ATXN1: variants seen among roughly 807,000 people sequenced by gnomAD.
ATXN1 encodes the protein ataxin-1.
Under a neutral mutation model 56.4 loss-of-function variants are expected in ATXN1, and 8 were observed. The ratio of observed to expected loss-of-function variants is 0.14; its 90% CI spans 0.08 to 0.26. The LOEUF (loss-of-function observed/expected upper bound fraction) is 0.26. Among genes scored for constraint, ATXN1 ranks in the 10% least tolerant of loss-of-function variants. ATXN1 has a pLI of 1.00. For missense variants in ATXN1, 987 were observed against 1,106.5 expected (o/e 0.89, Z 1.53); for synonymous variants, 514 against 494.6 (o/e 1.04, Z -0.52).
intron 7 of ATXN1, among the ~76,000 whole-genome samples, chr6:16,316,265 CT>C (rs1447893825): frequency 2.0e-5 from 3 of 152,254 alleles, no homozygotes; most frequent in Non-Finnish European, 4.4e-5. Flanking sequence ...CCCCCTCCCT[CT>C]TCCCATCCTG....
intron 3 of ATXN1, among the ~76,000 whole-genome samples, chr6:16,618,383 C>T (rs185086101): frequency 9.8e-4 from 149 of 152,274 alleles, no homozygotes; most frequent in Non-Finnish European, 1.8e-3. Context: ...ACCTATGTAA[C>T]AAACCTGCAA....
At chr6:16,487,134 C>A (rs1042716144) in intron 5 of ATXN1, among the ~76,000 whole-genome samples, 4 of 152,124 alleles carry the variant, frequency 2.6e-5, no homozygotes, top group African/African-American at 9.7e-5. Context: ...GAGAAGCACA[C>A]TTGAGGCAAA....
chr6:16,432,792 G>A (rs1467238404), intron 6 of ATXN1: 2 of 151,774 alleles, frequency 1.3e-5, no homozygotes, highest in Non-Finnish European at 2.9e-5. Context: ...CAGCCACTGA[G>A]TACACATTTT....
intron 2 of ATXN1, among the ~76,000 whole-genome samples, chr6:16,660,826 G>GTTTTTTT (rs1167182460): frequency 1.0e-4 from 11 of 108,090 alleles, no homozygotes; most frequent in African/African-American, 3.9e-4. Context: ...GGTTTATTTT[G>GTTTTTTT]TTTTGGTTTT....
chr6:16,633,414 T>C (rs1239205803), intron 3 of ATXN1, among the ~76,000 whole-genome samples: 3 of 152,196 alleles, frequency 2.0e-5, no homozygotes, highest in African/African-American at 7.2e-5. Flanking sequence ...GGAAAGCCCT[T>C]GAAACAAACA....
chr6:16,571,720 G>T (rs1762335324), intron 4 of ATXN1, among the ~76,000 whole-genome samples: 1 of 151,668 alleles, frequency 6.6e-6, no homozygotes, highest in South Asian at 2.1e-4. Flanking sequence ...GAGTGTAGTG[G>T]TGCGATCACA....
At chr6:16,721,246 A>G (rs540082133) in intron 2 of ATXN1, among the ~76,000 whole-genome samples, 1 of 152,262 alleles carries the variant, frequency 6.6e-6, no homozygotes, top group South Asian at 2.1e-4. Context: ...AGGTTACGGC[A>G]TGTAGCCATC....
chr6:16,552,275 T>G (rs1761935273), intron 4 of ATXN1, among the ~76,000 whole-genome samples: 2 of 152,184 alleles, frequency 1.3e-5, no homozygotes. Context: ...ACCAGCTCAC[T>G]CTATGTCTAA....
intron 7 of ATXN1, among the ~76,000 whole-genome samples, chr6:16,307,657 C>T (rs1419396371): frequency 1.4e-5 from 2 of 142,664 alleles, no homozygotes; most frequent in Non-Finnish European, 3.0e-5. Flanking sequence ...GCCTGGGCCA[C>T]AGAGTGAGAC....
intron 6 of ATXN1, among the ~76,000 whole-genome samples, chr6:16,407,041 A>G (rs1758700555): frequency 6.6e-6 from 1 of 152,254 alleles, no homozygotes; most frequent in Admixed American, 6.5e-5. Context: ...GCACCAAAGA[A>G]CAAGCATTTC....
intron 6 of ATXN1, among the ~76,000 whole-genome samples, chr6:16,400,985 A>T (rs142912182): frequency 4.2e-4 from 64 of 152,352 alleles, no homozygotes; most frequent in African/African-American, 1.5e-3. Flanking sequence ...TTACTCTGAT[A>T]TTATATTATT....
Position 16,304,106 on chromosome 6 carries a change from A to T in ATXN1, c.*2223T>A, listed in dbSNP as rs1472544061. 6.6e-6 allele frequency: 1 copy of T among 152,358 alleles called. No individual in the cohort carries two copies. Among genetic ancestry groups the T allele is most frequent in the Non-Finnish European group, 1.5e-5 (1 of 68,012 alleles). 9.4% of individuals were successfully genotyped at this position (152,358 alleles called of 1,614,324 possible). A position where few individuals can be genotyped will look rare whatever the true frequency, so the allele number is the denominator to read the frequency against. The stretch of plus-strand genomic sequence containing the variant: ...CCCCAGAAAACGGTTTATAAAAATC[A>T]TTAGTCCTGGTGAACCCTAAATGTA... On this transcript the variant is annotated 3_prime_UTR_variant, in exon 8 of 8. Coordinates refer to ENST00000436367, the MANE Select transcript of ATXN1 (RefSeq NM_001128164.2).
intron 6 of ATXN1, among the ~76,000 whole-genome samples, chr6:16,457,409 G>T (rs970308492): frequency 6.6e-6 from 1 of 151,504 alleles, no homozygotes; most frequent in Non-Finnish European, 1.5e-5. Context: ...AACTGCAGGC[G>T]GTTTTTTCTT....
intron 6 of ATXN1, among the ~76,000 whole-genome samples, chr6:16,388,575 C>T: frequency 6.6e-6 from 1 of 152,246 alleles, no homozygotes; most frequent in Non-Finnish European, 1.5e-5. Context: ...AGGAAGTCTG[C>T]TGTCCTCACA....
intron 6 of ATXN1, among the ~76,000 whole-genome samples, chr6:16,445,623 T>C (rs1193506966): frequency 6.6e-6 from 1 of 151,264 alleles, no homozygotes; most frequent in Non-Finnish European, 1.5e-5. Context: ...GCTGCACCCA[T>C]TACCTCGTCA....
At chr6:16,558,916 T>TA (rs997877900) in intron 4 of ATXN1, among the ~76,000 whole-genome samples, 114 of 146,306 alleles carry the variant, frequency 7.8e-4, no homozygotes, top group Non-Finnish European at 1.4e-3. Flanking sequence ...TACATGCTCC[T>TA]AAAAAAAAAA....
At chr6:16,639,359 C>G (rs1378353986) in intron 3 of ATXN1, among the ~76,000 whole-genome samples, 1 of 152,146 alleles carries the variant, frequency 6.6e-6, no homozygotes, top group Non-Finnish European at 1.5e-5. Flanking sequence ...ACAAACCTAT[C>G]GGAAGGAACC....
intron 3 of ATXN1, among the ~76,000 whole-genome samples, chr6:16,634,154 A>C (rs1217458557): frequency 6.6e-6 from 1 of 152,212 alleles, no homozygotes; most frequent in Admixed American, 6.5e-5. Flanking sequence ...CTTTCTTCTT[A>C]GAAAACACAG....
At chr6:16,598,971 A>G (rs542495368) in intron 3 of ATXN1, among the ~76,000 whole-genome samples, 1 of 152,240 alleles carries the variant, frequency 6.6e-6, no homozygotes, top group Admixed American at 6.5e-5. Context: ...GGGCACCTGC[A>G]AGGTAGTAGG....
Sources: gnomAD v4.1 joint callset for allele counts (sites outside exome capture counted in the v4.1 genomes callset) on GRCh38, gnomAD v4.1.1 for gene constraint, MANE v1.5 for transcripts, NCBI Gene and HGNC (gene_info 2026-07-23, HGNC 2026-07-21) for gene names.